The following CNTN4 variants were observed in gnomAD, a reference collection of about 807,000 sequenced individuals.
The protein encoded by CNTN4 is contactin 4, also known as contactin-4.
In CNTN4, 77 loss-of-function variants were observed where a neutral mutation model predicts 122.5. The observed-to-expected ratio is 0.63, with a 90% CI of 0.52 to 0.76. The LOEUF (loss-of-function observed/expected upper bound fraction) is 0.76. Ranked by LOEUF, CNTN4 falls within the 30% of genes least tolerant of loss-of-function variation. CNTN4 has a pLI of 0.00. For synonymous variants in CNTN4, 512 were observed against 447.0 expected, an observed-to-expected ratio of 1.15 and a Z score of -1.83; for missense variants, 1,256 against 1,259.1, an observed-to-expected ratio of 1.00 and a Z score of 0.04.
At chr3:2,856,605 G>T (rs1423272047) in intron 7 of CNTN4, among the ~76,000 whole-genome samples, 1 of 152,190 alleles carries the variant, frequency 6.6e-6, no homozygotes, top group Non-Finnish European at 1.5e-5. Context: ...TTAAAGCCCA[G>T]ATGGACGGGC....
chr3:2,283,825 A>T (rs781393230), intron 2 of CNTN4, among the ~76,000 whole-genome samples: 15 of 151,980 alleles, frequency 9.9e-5, no homozygotes, highest in Admixed American at 2.0e-4. Context: ...TTTTCCTCCA[A>T]CTTCTGCATT....
At chr3:2,957,634 T>C (rs77935194) in intron 13 of CNTN4, among the ~76,000 whole-genome samples, 2,840 of 152,216 alleles carry the variant, frequency 0.019, 110 homozygotes, top group African/African-American at 0.064. Flanking sequence ...TCTGTTTTTC[T>C]CATTCTATGT....
intron 6 of CNTN4, among the ~76,000 whole-genome samples, chr3:2,786,364 C>T (rs2091830878): frequency 6.6e-6 from 1 of 152,174 alleles, no homozygotes; most frequent in South Asian, 2.1e-4. Context: ...ACAGGCAACC[C>T]CTAGATGCTA....
intron 4 of CNTN4, among the ~76,000 whole-genome samples, chr3:2,711,756 T>C (rs916794603): frequency 6.6e-6 from 1 of 152,166 alleles, no homozygotes; most frequent in Non-Finnish European, 1.5e-5. Flanking sequence ...GCAATACTCA[T>C]AGTAAAATTA....
intron 4 of CNTN4, among the ~76,000 whole-genome samples, chr3:2,663,918 C>G (rs1056949497): frequency 6.6e-6 from 1 of 151,974 alleles, no homozygotes; most frequent in Admixed American, 6.6e-5. Flanking sequence ...TTGTCTGATT[C>G]TATTTGTATG....
chr3:2,136,676 T>G (rs1368833101), intron 2 of CNTN4, among the ~76,000 whole-genome samples: 2 of 152,042 alleles, frequency 1.3e-5, no homozygotes, highest in Non-Finnish European at 2.9e-5. Context: ...ATGGTTACAT[T>G]GCTTCCTTCC....
chr3:2,903,113 A>ATCTCCTTT, intron 12 of CNTN4, 108 bp downstream of exon 12: 1 of 1,109,486 alleles, frequency 9.0e-7, no homozygotes, highest in Admixed American at 2.1e-5. Flanking sequence ...GAGTAAAGAA[A>ATCTCCTTT]TCTTTAGGCC....
At chr3:2,325,939 A>C (rs2043439111) in intron 2 of CNTN4, among the ~76,000 whole-genome samples, 2 of 152,206 alleles carry the variant, frequency 1.3e-5, no homozygotes, top group Non-Finnish European at 2.9e-5. Context: ...TGTTTTGGGG[A>C]AAATTATAAC....
At chr3:2,118,690 AT>A (rs1215315288) in intron 2 of CNTN4, among the ~76,000 whole-genome samples, 1 of 152,132 alleles carries the variant, frequency 6.6e-6, no homozygotes, top group African/African-American at 2.4e-5. Context: ...AGTTTGATAG[AT>A]TTTTTTGGTT....
chr3:2,652,802 A>G (rs1481883270), intron 4 of CNTN4, among the ~76,000 whole-genome samples: 1 of 152,148 alleles, frequency 6.6e-6, no homozygotes, highest in African/African-American at 2.4e-5. Context: ...GTCGCTTATC[A>G]GTGTGGTCAC....
intron 13 of CNTN4, among the ~76,000 whole-genome samples, chr3:2,955,868 A>G (rs898214807): frequency 2.9e-4 from 39 of 136,160 alleles, no homozygotes; most frequent in African/African-American, 9.2e-4. Context: ...AAAATGATTC[A>G]GCATCAACAT....
chr3:2,999,329 G>C (rs1238197906), intron 14 of CNTN4, among the ~76,000 whole-genome samples: 4 of 152,174 alleles, frequency 2.6e-5, no homozygotes, highest in African/African-American at 7.2e-5. Flanking sequence ...ATATCTATGT[G>C]GGGAAGATAG....
In CNTN4 at chr3:2,815,873, C is replaced by CATATATATATATATATATAT. The variant is rs58111735; in HGVS notation, c.359-3595_359-3594insATATATATATATATATATAT. 2.7e-3 allele frequency among the ~76,000 whole-genome samples: 386 copies of CATATATATATATATATATAT among 141,148 alleles called. 15 individuals carry two copies. Among genetic ancestry groups the CATATATATATATATATATAT allele is most frequent in the African/African-American group, 0.011 (343 of 32,594 alleles). 92.6% of individuals were successfully genotyped at this position (141,148 alleles called of 152,430 possible). On this transcript the variant is annotated intron_variant, in intron 6 of 24. Coordinates refer to ENST00000418658, the MANE Select transcript of CNTN4 (RefSeq NM_175607.3). ...CAATAAGTGGCTAAAGAAACTATGG[C>CATATATATATATATATATAT]ATATATATATATATATATGATGGAA... is the stretch of plus-strand genomic sequence containing the variant.
rs548812845 is a variant in CNTN4 at position 2,816,170 on chromosome 3, C to T, written c.359-3316C>T. 4.0e-5 allele frequency among the ~76,000 whole-genome samples: 6 copies of T among 151,072 alleles called. No homozygotes were observed. The East Asian group carries it at 5.9e-4, about 15-fold the overall frequency. ...GAGATCGAGACCATCCTGGCTAACA[C>T]GGTGAAACCCCGTCTCTACTAAAAA... On this transcript the variant is annotated intron_variant, in intron 6 of 24. Coordinates refer to ENST00000418658, the MANE Select transcript of CNTN4 (RefSeq NM_175607.3).
chr3:2,150,681 G>C (rs143616275), intron 2 of CNTN4, among the ~76,000 whole-genome samples: 33 of 152,288 alleles, frequency 2.2e-4, no homozygotes, highest in African/African-American at 7.9e-4. Flanking sequence ...ATGAGCACCA[G>C]AAGATTATTT....
chr3:2,965,176 A>G (rs1213661509), intron 13 of CNTN4, among the ~76,000 whole-genome samples: 1 of 152,200 alleles, frequency 6.6e-6, no homozygotes, highest in Non-Finnish European at 1.5e-5. Flanking sequence ...CATCACCGTC[A>G]TACAAAACTT....
intron 13 of CNTN4, among the ~76,000 whole-genome samples, chr3:2,987,781 C>T (rs1317472691): frequency 6.6e-6 from 1 of 152,172 alleles, no homozygotes; most frequent in Non-Finnish European, 1.5e-5. Context: ...TCCACATTTG[C>T]TCTTCTGCCA....
chr3:3,036,759 A>G (rs531171637), intron 17 of CNTN4, among the ~76,000 whole-genome samples: 4 of 150,614 alleles, frequency 2.7e-5, no homozygotes, highest in African/African-American at 9.8e-5. Flanking sequence ...AGAGAGAGAG[A>G]GAGAGAGACC....
chr3:3,045,331 C>G (rs1035222543), intron 23 of CNTN4, among the ~76,000 whole-genome samples: 5 of 152,196 alleles, frequency 3.3e-5, no homozygotes, highest in African/African-American at 1.2e-4. Flanking sequence ...AGACTCCCTC[C>G]TCAAGTGGTT....
Sources: gnomAD v4.1 joint callset for allele counts (sites outside exome capture counted in the v4.1 genomes callset) on GRCh38, gnomAD v4.1.1 for gene constraint, MANE v1.5 for transcripts, NCBI Gene and HGNC (gene_info 2026-07-23, HGNC 2026-07-21) for gene names.